Variants in MED14 observed in about 807,000 individuals in gnomAD.
MED14 encodes mediator complex subunit 14, also known as mediator of RNA polymerase II transcription subunit 14.
MED14 carries 8 observed loss-of-function variants against 109.0 expected under a neutral mutation model. The ratio of observed to expected loss-of-function variants is 0.07; its 90% CI spans 0.04 to 0.13. The LOEUF (loss-of-function observed/expected upper bound fraction) is 0.13, where lower values mean the gene tolerates loss of function less well. Ranked by LOEUF, MED14 falls within the 10% of genes least tolerant of loss-of-function variation. The pLI, the probability that MED14 is intolerant of heterozygous loss-of-function variation, is 1.00. For synonymous variants in MED14, 399 were observed against 408.7 expected (o/e 0.98, Z 0.29); for missense variants, 711 against 1,142.4 (o/e 0.62, Z 5.44).
At chrX:40,717,788 G>T (rs970701807) in intron 3 of MED14, among the ~76,000 whole-genome samples, 4 of 112,254 alleles carry the variant, frequency 3.6e-5, no homozygotes, top group African/African-American at 1.3e-4. Flanking sequence ...CTCCCAAAGT[G>T]CTGGGATTAC....
intron 25 of MED14, among the ~76,000 whole-genome samples, chrX:40,663,963 C>T (rs1929383411): frequency 9.0e-6 from 1 of 111,159 alleles, no homozygotes; most frequent in South Asian, 3.8e-4. Flanking sequence ...GGGCTGATCA[C>T]AGGAAAGACA....
At chrX:40,668,242 GCA>G (rs1345721288) in intron 23 of MED14, among the ~76,000 whole-genome samples, 1 of 109,865 alleles carries the variant, frequency 9.1e-6, no homozygotes, top group Non-Finnish European at 1.9e-5. Context: ...CATTAGCCAG[GCA>G]CAGTGGCATG....
chrX:40,729,433 G>A (rs895186601), intron 1 of MED14, 88 bp from the exon 2 acceptor site: 24 of 925,014 alleles, frequency 2.6e-5, no homozygotes, highest in Admixed American at 2.4e-4. Flanking sequence ...TATTAAATAC[G>A]TTAATGTTTC....
intron 22 of MED14, among the ~76,000 whole-genome samples, chrX:40,674,985 A>G (rs1355626936): frequency 1.8e-5 from 2 of 112,800 alleles, no homozygotes; most frequent in Non-Finnish European, 3.7e-5. Context: ...CTCTGGAATC[A>G]TATAACATCA....
intron 11 of MED14, among the ~76,000 whole-genome samples, chrX:40,702,539 G>A (rs984145258): frequency 1.8e-5 from 2 of 109,922 alleles, no homozygotes; most frequent in African/African-American, 6.6e-5. Flanking sequence ...GTAGAGACAG[G>A]GTTTCACCGT....
upstream of MED14, among the ~76,000 whole-genome samples, chrX:40,736,090 T>G (rs1242616584): frequency 8.9e-6 from 1 of 111,981 alleles, no homozygotes; most frequent in Non-Finnish European, 1.9e-5. Context: ...CTCTAAATGT[T>G]CGTGAATTCT....
chrX:40,685,530 G>A (rs1930262029), intron 16 of MED14, among the ~76,000 whole-genome samples: 1 of 112,623 alleles, frequency 8.9e-6, no homozygotes, highest in Admixed American at 9.4e-5. Flanking sequence ...TGGAGGAAAT[G>A]AAAAACCCTC....
At chrX:40,714,014 T>A in intron 4 of MED14, 107 bp from the exon 5 acceptor site, 1 of 825,378 alleles carries the variant, frequency 1.2e-6, no homozygotes, top group Non-Finnish European at 1.7e-6. Flanking sequence ...AAGAGAATCT[T>A]AACACTCATT....
chrX:40,658,277 A>T (rs1482706761), intron 28 of MED14, among the ~76,000 whole-genome samples: 1 of 109,141 alleles, frequency 9.2e-6, no homozygotes, highest in Non-Finnish European at 1.9e-5. Flanking sequence ...TTTTTAGTAG[A>T]GACAGGGTTT....
chrX:40,716,742 G>C (rs996932084), intron 3 of MED14, among the ~76,000 whole-genome samples: 1 of 111,718 alleles, frequency 9.0e-6, no homozygotes, highest in Non-Finnish European at 1.9e-5. Flanking sequence ...ACTCACAATA[G>C]CCAAGATACA....
At chrX:40,704,367 A>G (rs747434694) in intron 10 of MED14, among the ~76,000 whole-genome samples, 2 of 112,380 alleles carry the variant, frequency 1.8e-5, no homozygotes, top group Non-Finnish European at 3.8e-5. Flanking sequence ...CTCTGAAGCT[A>G]CAGCACAGAA....
intron 3 of MED14, among the ~76,000 whole-genome samples, chrX:40,716,233 C>T (rs759561567): frequency 6.8e-4 from 75 of 110,886 alleles, no homozygotes; most frequent in African/African-American, 2.3e-3. Flanking sequence ...GGAACCCTCA[C>T]GCTGTTGGTG....
intron 3 of MED14, among the ~76,000 whole-genome samples, chrX:40,720,185 T>C (rs774122847): frequency 8.9e-6 from 1 of 112,482 alleles, no homozygotes; most frequent in African/African-American, 3.2e-5. Context: ...TTTTACTATC[T>C]GCACACAGAA....
chrX:40,713,993 G>A lies in MED14; in HGVS notation c.523-86C>T, dbSNP rs1216731978. 6.3e-6 allele frequency: 6 copies of A among 954,949 alleles called. No homozygotes were observed. In the South Asian group the frequency reaches 7.0e-5, roughly 11 times the overall value. 78.7% of individuals were successfully genotyped at this position (954,949 alleles called of 1,213,427 possible). ...TTTTCCTGTCTTTATACAGTGTTGC[G>A]TACTTTACCTAAGAGAATCTTAACA... On this transcript the variant is annotated intron_variant, in intron 4 of 30. Coordinates refer to ENST00000324817, the MANE Select transcript of MED14 (RefSeq NM_004229.4).
At chrX:40,723,389 G>A (rs1035711491) in intron 3 of MED14, among the ~76,000 whole-genome samples, 4 of 111,194 alleles carry the variant, frequency 3.6e-5, no homozygotes, top group African/African-American at 1.3e-4. Context: ...CAATGGGCCG[G>A]GCGCGGTGGC....
chrX:40,674,698 G>C (rs895693144), intron 22 of MED14, among the ~76,000 whole-genome samples: 2 of 112,171 alleles, frequency 1.8e-5, no homozygotes, highest in Non-Finnish European at 3.8e-5. Flanking sequence ...AGGAGGGTCA[G>C]TGAGAGAACA....
chrX:40,703,423 T>TTTA (rs1226996268), intron 11 of MED14, 21 bp downstream of exon 11: 1 of 1,139,580 alleles, frequency 8.8e-7, no homozygotes, highest in Non-Finnish European at 1.2e-6. Context: ...CATTGAATGA[T>TTTA]TATATCATTT....
At chrX:40,725,639 GATAAAAACCC>G (rs1453338185) in intron 3 of MED14, among the ~76,000 whole-genome samples, 1 of 111,448 alleles carries the variant, frequency 9.0e-6, no homozygotes, top group Non-Finnish European at 1.9e-5. Flanking sequence ...ATCCCTTCAT[GATAAAAACCC>G]TCAAAAAACT....
chrX:40,720,610 C>T (rs1191510356), intron 3 of MED14, among the ~76,000 whole-genome samples: 1 of 111,314 alleles, frequency 9.0e-6, no homozygotes, highest in Non-Finnish European at 1.9e-5. Flanking sequence ...TAGTGCTAGG[C>T]TGGACTCAGA....
Sources: gnomAD v4.1 joint callset for allele counts (sites outside exome capture counted in the v4.1 genomes callset) on GRCh38, gnomAD v4.1.1 for gene constraint, MANE v1.5 for transcripts, NCBI Gene and HGNC (gene_info 2026-07-23, HGNC 2026-07-21) for gene names.